Variants in OR11A1 observed in about 807,000 individuals in gnomAD.
OR11A1 encodes olfactory receptor 11A1.
For synonymous variants in OR11A1, 158 were observed against 152.2 expected, an observed-to-expected ratio of 1.04 and a Z score of -0.28; for missense variants, 380 against 378.2, an observed-to-expected ratio of 1.00 and a Z score of -0.04.
Position 29,426,735 on chromosome 6 carries a change from G to A in OR11A1, c.907C>T (p.Arg303Trp), listed in dbSNP as rs558887293. Residue 303 changes from arginine to tryptophan, a missense_variant, in exon 5 of 5, where the codon CGG becomes TGG. Physicochemically the swap from Arg to Trp is moderately radical, Grantham distance 101 (BLOSUM62 -3). Coordinates refer to ENST00000377149, the MANE Select transcript of OR11A1 (RefSeq NM_001394828.1). ...MRNKEVHQALRKILCIKQTET... is the reference protein window; with the variant it reads ...MRNKEVHQALWKILCIKQTET... ...GTTTGTTTGATACAGAGAATCTTCC[G>A]AAGTGCCTGATGCACCTCCTTGTTC... is the stretch of plus-strand genomic sequence containing the variant. The A allele has an allele frequency of 1.9e-5, 31 of 1,612,188 alleles. No homozygotes were observed. Among genetic ancestry groups the A allele is most frequent in the South Asian group, 6.6e-5 (6 of 91,022 alleles).
intron 1 of OR11A1, chr6:29,439,257 T>C (rs1783893366): frequency 6.6e-6 from 1 of 152,208 alleles, no homozygotes; most frequent in Non-Finnish European, 1.5e-5. Context: ...AGTTTGGGGA[T>C]TTTCATGTTT....
chr6:29,430,541 T>C, intron 2 of OR11A1, 116 bp from the exon 3 acceptor site: 1 of 639,690 alleles, frequency 1.6e-6, no homozygotes, highest in Non-Finnish European at 1.9e-6. Flanking sequence ...AGGCTATTAT[T>C]TTAAGTGAAA....
chr6:29,434,121 C>A (rs1319231215), intron 1 of OR11A1, among the ~76,000 whole-genome samples: 1 of 152,116 alleles, frequency 6.6e-6, no homozygotes, highest in Non-Finnish European at 1.5e-5. Context: ...TGTGGGTTGT[C>A]TTTTCACTCT....
chr6:29,448,984 CTCTT>C (rs1004346060), intron 1 of OR11A1, among the ~76,000 whole-genome samples: 1 of 152,144 alleles, frequency 6.6e-6, no homozygotes, highest in African/African-American at 2.4e-5. Context: ...TGCCTTAAAA[CTCTT>C]TCAGTGAAGG....
At chr6:29,436,056 CAA>C (rs1783605298) in intron 1 of OR11A1, among the ~76,000 whole-genome samples, 1 of 152,178 alleles carries the variant, frequency 6.6e-6, no homozygotes, top group Non-Finnish European at 1.5e-5. Context: ...TCAGTATTTG[CAA>C]AGTCACCTGC....
At position 29,426,814 on chromosome 6, in the gene OR11A1, G is replaced by C; in HGVS notation, c.828C>G (p.Ser276=). ...VHSQLLSKVF[S]LLYTVVTPLF... ...GAGGGGTGACCACAGTGTAGAGCAG[G>C]GAGAAGACCTTGGAGAGGAGCTGGG... The change falls in exon 5 of 5, where the codon TCC becomes TCG. Residue 276 remains serine, a synonymous_variant. Transcript: ENST00000377149. The C allele has an allele frequency of 2.5e-6, 4 of 1,613,120 alleles. No homozygotes were observed. In the South Asian group the frequency reaches 4.4e-5, roughly 18 times the overall value.
chr6:29,427,251 G>A lies in OR11A1; in HGVS notation c.391C>T (p.Leu131Phe). ...YDRYLAICYP[L>F]HYPLLMGPRR... ...GGCCCCATCAGGAGTGGGTAGTGGAGTGGGTAGCAAATTGCCAGGTAGCGG... is the reference window on the plus strand; with the variant it reads ...GGCCCCATCAGGAGTGGGTAGTGGAATGGGTAGCAAATTGCCAGGTAGCGG... Residue 131 changes from leucine to phenylalanine, a missense_variant, in exon 5 of 5, where the codon CTC becomes TTC. Transcript: ENST00000377149. 6.2e-7 allele frequency: 1 copy of A among 1,613,142 alleles called. No homozygotes were observed.
At chr6:29,456,080 A>G (rs1359483008) in intron 1 of OR11A1, among the ~76,000 whole-genome samples, 5 of 151,650 alleles carry the variant, frequency 3.3e-5, no homozygotes, top group African/African-American at 1.2e-4. Context: ...ATATACAATA[A>G]TTAGCTGGGC....
chr6:29,449,791 C>A (rs372289667), intron 1 of OR11A1, among the ~76,000 whole-genome samples: 1 of 152,136 alleles, frequency 6.6e-6, no homozygotes, highest in Non-Finnish European at 1.5e-5. Flanking sequence ...CATGCACCAC[C>A]ACGTCCAGCC....
Position 29,427,379 on chromosome 6 carries a change from A to G in OR11A1, c.263T>C (p.Leu88Pro). The change falls in exon 5 of 5, where the codon CTG becomes CCG. Residue 88 changes from leucine (L) to proline (P), a missense_variant. Coordinates refer to ENST00000377149, the MANE Select transcript of OR11A1 (RefSeq NM_001394828.1). Reference protein sequence around the residue: ...AVMPKMLEGFLQEATISVAGC... With the variant: ...AVMPKMLEGFPQEATISVAGC... ...AGCCACAGAGATAGTTGCTTCTTGC[A>G]GGAAGCCCTCCAGCATTTTTGGCAT... 1 of 1,613,112 alleles carries G rather than the reference A, an allele frequency of 6.2e-7. No individual in the cohort carries two copies.
At chr6:29,447,148 C>T (rs556957842) in intron 1 of OR11A1, among the ~76,000 whole-genome samples, 1 of 152,298 alleles carries the variant, frequency 6.6e-6, no homozygotes, top group East Asian at 1.9e-4. Flanking sequence ...CCAATAAGAT[C>T]CTGGTCTAGT....
At position 29,430,485 on chromosome 6, in the gene OR11A1, C is replaced by A. The variant is rs973564992; in HGVS notation, c.-264-60G>T. On this transcript the variant is annotated intron_variant, in intron 2 of 4. Coordinates refer to ENST00000377149, the MANE Select transcript of OR11A1 (RefSeq NM_001394828.1). ...AGAATACCTCTAATAATAAATAGCT[C>A]ATGACCACTACCTCCCCTGGAAATC... is the stretch of plus-strand genomic sequence containing the variant. 5.2e-6 allele frequency: 5 copies of A among 958,108 alleles called. No homozygotes were observed. The African/African-American group carries it at 7.0e-5, about 13-fold the overall frequency. The allele number at this position is 958,108 out of a possible 1,614,324, so 59.4% of individuals were successfully genotyped here. A position where few individuals can be genotyped will look rare whatever the true frequency, so the allele number is the denominator to read the frequency against.
At chr6:29,431,119 T>G (rs1309371946) in intron 2 of OR11A1, among the ~76,000 whole-genome samples, 1 of 152,124 alleles carries the variant, frequency 6.6e-6, no homozygotes, top group African/African-American at 2.4e-5. Flanking sequence ...ATAACCCTCA[T>G]TCAACCCAGA....
chr6:29,440,577 T>A (rs1185054617), intron 1 of OR11A1: 1 of 1,613,936 alleles, frequency 6.2e-7, no homozygotes, highest in South Asian at 1.1e-5. Flanking sequence ...GCAGCTGGTA[T>A]GTGGAGACAC....
At chr6:29,449,475 AT>A (rs1383339857) in intron 1 of OR11A1, among the ~76,000 whole-genome samples, 2 of 152,236 alleles carry the variant, frequency 1.3e-5, no homozygotes, top group Non-Finnish European at 2.9e-5. Flanking sequence ...TACTCAAAAA[AT>A]ATTTCAAAAA....
At chr6:29,447,385 C>T (rs922386868) in intron 1 of OR11A1, among the ~76,000 whole-genome samples, 1 of 152,194 alleles carries the variant, frequency 6.6e-6, no homozygotes, top group African/African-American at 2.4e-5. Context: ...TCATTTTGAT[C>T]TTTATTCAGC....
chr6:29,430,206 A>G lies in OR11A1; in HGVS notation c.-140+95T>C, dbSNP rs1481492692. ...TCTTCCTTAACCTAAACCCATATGA[A>G]TTGATCAGAGAAGAATGCTGTTCTT... On this transcript the variant is annotated intron_variant, in intron 3 of 4. Transcript: ENST00000377149. 4.9e-6 allele frequency: 4 copies of G among 819,178 alleles called. No individual in the cohort carries two copies. In the African/African-American group the frequency reaches 7.5e-5, roughly 15 times the overall value. 50.7% of individuals were successfully genotyped at this position (819,178 alleles called of 1,614,324 possible).
At chr6:29,441,517 C>T (rs1784192106) in intron 1 of OR11A1, among the ~76,000 whole-genome samples, 2 of 152,180 alleles carry the variant, frequency 1.3e-5, no homozygotes, top group Non-Finnish European at 2.9e-5. Flanking sequence ...GTCAGACAGA[C>T]TTAAAGTCAA....
chr6:29,431,948 G>C lies in OR11A1; in HGVS notation c.-349C>G, dbSNP rs1020252753. 2.0e-6 allele frequency: 2 copies of C among 985,244 alleles called. No individual in the cohort carries two copies. Among genetic ancestry groups the C allele is most frequent in the African/African-American group, 3.5e-5 (2 of 57,220 alleles). The allele number at this position is 985,244 out of a possible 1,614,324, so 61.0% of individuals were successfully genotyped here. Reference sequence around the variant, plus strand: ...ATTTGCTGAAGACTTCAGAATGTTGGAATTTCCTACCTTCAGCTCCCTCCC... The same window carrying C: ...ATTTGCTGAAGACTTCAGAATGTTGCAATTTCCTACCTTCAGCTCCCTCCC... On this transcript the variant is annotated 5_prime_UTR_variant, in exon 2 of 5. Coordinates refer to ENST00000377149, the MANE Select transcript of OR11A1 (RefSeq NM_001394828.1).
Sources: allele counts gnomAD v4.1 joint callset (sites outside exome capture counted in the v4.1 genomes callset), GRCh38; gene constraint gnomAD v4.1.1; transcripts MANE v1.5; gene names NCBI Gene and HGNC (gene_info 2026-07-23, HGNC 2026-07-21).